DAG1: variants seen among roughly 807,000 people sequenced by gnomAD.
DAG1 encodes the protein dystroglycan 1 (dystrophin-associated glycoprotein 1).
DAG1 carries 8 observed loss-of-function variants against 46.1 expected under a neutral mutation model. The observed-to-expected ratio is 0.17, with a 90% CI of 0.10 to 0.31. DAG1 has a LOEUF of 0.31. Ranked by LOEUF, DAG1 falls within the 10% of genes least tolerant of loss-of-function variation. The probability of loss-of-function intolerance (pLI) is 1.00; values close to 1 mark genes in which losing one functional copy is unlikely to be tolerated. For synonymous variants in DAG1, 495 were observed against 481.8 expected (o/e 1.03, Z -0.36); for missense variants, 1,003 against 1,189.9 (o/e 0.84, Z 2.31).
intron 2 of DAG1, among the ~76,000 whole-genome samples, chr3:49,529,280 C>T (rs1472672720): frequency 6.6e-6 from 1 of 152,178 alleles, no homozygotes; most frequent in Non-Finnish European, 1.5e-5. Context: ...AAGCAATCCT[C>T]CCGCCTTGGC....
intron 2 of DAG1, among the ~76,000 whole-genome samples, chr3:49,516,583 T>A (rs1037321374): frequency 1.3e-5 from 2 of 152,264 alleles, no homozygotes; most frequent in African/African-American, 4.8e-5. Flanking sequence ...TGTTTCCTAA[T>A]ATTCAATAGT....
At chr3:49,487,044 G>A (rs888136220) in intron 1 of DAG1, among the ~76,000 whole-genome samples, 1 of 151,952 alleles carries the variant, frequency 6.6e-6, no homozygotes, top group African/African-American at 2.4e-5. Context: ...CGTGTGCCAT[G>A]CCTGGCTAAT....
chr3:49,484,774 G>C (rs1325641215), intron 1 of DAG1, among the ~76,000 whole-genome samples: 1 of 151,802 alleles, frequency 6.6e-6, no homozygotes, highest in Non-Finnish European at 1.5e-5. Flanking sequence ...CCAAGGGGTT[G>C]GGAGCTCAGG....
At chr3:49,514,805 A>G (rs560187721) in intron 2 of DAG1, among the ~76,000 whole-genome samples, 45 of 145,626 alleles carry the variant, frequency 3.1e-4, no homozygotes, top group South Asian at 2.9e-3. Context: ...CTCCTGGCAT[A>G]TGTGTGTGTG....
At chr3:49,505,961 C>A (rs993372624) in intron 1 of DAG1, among the ~76,000 whole-genome samples, 8 of 150,310 alleles carry the variant, frequency 5.3e-5, no homozygotes, top group African/African-American at 2.0e-4. Context: ...TGAGCCACCA[C>A]GCCCGGCCTA....
rs972440561 is a variant in DAG1 at position 49,490,880 on chromosome 3, C to CTTTT, written c.-116-19519_-116-19516dup. On this transcript the variant is annotated intron_variant, in intron 1 of 2. Coordinates refer to ENST00000308775, the MANE Select transcript of DAG1 (RefSeq NM_004393.6). ...CCACAACCTGGCCTACTCCTAAATT[C>CTTTT]TTTTTTTTTTTTTTTTTTTTTTTGA... Among the ~76,000 whole-genome samples, 56 of 87,844 alleles carry CTTTT rather than the reference C, an allele frequency of 6.4e-4. 1 individual carries two copies. Among genetic ancestry groups the CTTTT allele is most frequent in the Non-Finnish European group, 8.2e-4 (38 of 46,468 alleles). The allele number at this position is 87,844 out of a possible 152,430, so 57.6% of individuals were successfully genotyped here.
intron 1 of DAG1, among the ~76,000 whole-genome samples, chr3:49,471,525 T>A (rs369233848): frequency 1.4e-4 from 21 of 151,538 alleles, no homozygotes; most frequent in African/African-American, 5.1e-4. Flanking sequence ...GAAGTTTAGT[T>A]GAACTTTTGT....
chr3:49,491,595 G>A (rs889574214), intron 1 of DAG1, among the ~76,000 whole-genome samples: 2 of 151,612 alleles, frequency 1.3e-5, no homozygotes, highest in Admixed American at 6.6e-5. Flanking sequence ...TCCTGCCTCA[G>A]CCTCCCAAGT....
intron 1 of DAG1, among the ~76,000 whole-genome samples, chr3:49,473,062 A>T (rs1048523039): frequency 6.6e-6 from 1 of 151,540 alleles, no homozygotes; most frequent in Non-Finnish European, 1.5e-5. Flanking sequence ...CGGAGGTTGC[A>T]GTGAGCTGAA....
chr3:49,489,959 C>T (rs1022319694), intron 1 of DAG1, among the ~76,000 whole-genome samples: 1 of 152,148 alleles, frequency 6.6e-6, no homozygotes, highest in African/African-American at 2.4e-5. Context: ...AGCTTACCTG[C>T]TGACTGCTTC....
chr3:49,525,440 G>GT (rs1441052998), intron 2 of DAG1, among the ~76,000 whole-genome samples: 6 of 152,210 alleles, frequency 3.9e-5, no homozygotes, highest in African/African-American at 1.4e-4. Flanking sequence ...AGGGAATATA[G>GT]TGGCTTCTGC....
In DAG1 at chr3:49,533,282, G is replaced by C. The variant is rs2051420946; in HGVS notation, c.*83G>C. The C allele has an allele frequency of 1.3e-6, 2 of 1,579,820 alleles. No individual in the cohort carries two copies. The highest frequency in any genetic ancestry group is 1.7e-5 in the Admixed American group (1 of 57,364). On this transcript the variant is annotated 3_prime_UTR_variant, in exon 3 of 3. Coordinates refer to ENST00000308775, the MANE Select transcript of DAG1 (RefSeq NM_004393.6). ...TGTCTGTGGAGACCGGTGGCCTGCA[G>C]ACCATTGCCCACCGGGAGCCGACAC...
Position 49,490,401 on chromosome 3 carries a change from A to C in DAG1, c.-117+19968A>C, listed in dbSNP as rs546318167. Among the ~76,000 whole-genome samples, 49 of 151,586 alleles carry C rather than the reference A, an allele frequency of 3.2e-4. No individual in the cohort carries two copies. The East Asian group carries it at 9.1e-3, about 28-fold the overall frequency. The stretch of plus-strand genomic sequence containing the variant: ...TTATATAACTTTAAATTTACAGAAA[A>C]ATTGCAAGAATAATTCAAGAAACTC... On this transcript the variant is annotated intron_variant, in intron 1 of 2. Transcript: ENST00000308775.
At chr3:49,491,122 G>T (rs1455722309) in intron 1 of DAG1, among the ~76,000 whole-genome samples, 1 of 151,812 alleles carries the variant, frequency 6.6e-6, no homozygotes, top group Non-Finnish European at 1.5e-5. Context: ...TGACCCAGGT[G>T]GTCCGCCTGC....
At chr3:49,512,328 C>T (rs1006391831) in intron 2 of DAG1, among the ~76,000 whole-genome samples, 2 of 151,862 alleles carry the variant, frequency 1.3e-5, no homozygotes, top group African/African-American at 2.4e-5. Flanking sequence ...TCAGCCTCCT[C>T]AGTAGCTAGG....
Position 49,516,600 on chromosome 3 carries a change from C to T in DAG1, c.285+5781C>T, listed in dbSNP as rs1025226850. Among the ~76,000 whole-genome samples the T allele has an allele frequency of 7.9e-5, 12 of 152,306 alleles. No homozygotes were observed. The South Asian group carries it at 1.0e-3, about 13-fold the overall frequency. On this transcript the variant is annotated intron_variant, in intron 2 of 2. Coordinates refer to ENST00000308775, the MANE Select transcript of DAG1 (RefSeq NM_004393.6). ...TTTCCTAATATTCAATAGTTTATTG[C>T]TCATCTTAATTATTGTGGTGTTCAA...
chr3:49,519,805 T>C (rs1277806864), intron 2 of DAG1, among the ~76,000 whole-genome samples: 1 of 152,220 alleles, frequency 6.6e-6, no homozygotes, highest in East Asian at 1.9e-4. Flanking sequence ...GGGCTCCAGA[T>C]TGAAGGACTG....
intron 1 of DAG1, among the ~76,000 whole-genome samples, chr3:49,492,408 A>G (rs547405346): frequency 6.6e-6 from 1 of 152,302 alleles, no homozygotes; most frequent in Admixed American, 6.5e-5. Context: ...GCATTTTAGG[A>G]GGCTGAGGTG....
chr3:49,472,827 CT>C (rs1261730251), intron 1 of DAG1, among the ~76,000 whole-genome samples: 6 of 151,650 alleles, frequency 4.0e-5, no homozygotes, highest in Admixed American at 3.9e-4. Context: ...CAAAAAACAA[CT>C]TTATCTCCAG....
Sources: gnomAD v4.1 joint callset for allele counts (sites outside exome capture counted in the v4.1 genomes callset) on GRCh38, gnomAD v4.1.1 for gene constraint, MANE v1.5 for transcripts, NCBI Gene and HGNC (gene_info 2026-07-23, HGNC 2026-07-21) for gene names.